The following FBXO34 variants were observed in gnomAD, a reference collection of about 807,000 sequenced individuals.
The protein encoded by FBXO34 is F-box only protein 34.
FBXO34 carries 12 observed loss-of-function variants against 24.5 expected under a neutral mutation model. The ratio of observed to expected loss-of-function variants is 0.49; its 90% CI spans 0.31 to 0.79. The LOEUF is 0.79. Among genes scored for constraint, FBXO34 ranks in the 30% least tolerant of loss-of-function variants. FBXO34 has a pLI of 0.04. For synonymous variants in FBXO34, 320 were observed against 311.9 expected, an observed-to-expected ratio of 1.03 and a Z score of -0.27; for missense variants, 823 against 857.7, an observed-to-expected ratio of 0.96 and a Z score of 0.51.
At chr14:55,381,951 C>T in the FBXO34 span, 2 of 1,603,798 alleles carry the variant, frequency 1.2e-6, no homozygotes, top group Non-Finnish European at 1.7e-6. Flanking sequence ...AAAGGATATG[C>T]TGCTTCTCAC....
chr14:55,383,246 AAAAG>A, the FBXO34 span, among the ~76,000 whole-genome samples: 19 of 152,204 alleles, frequency 1.2e-4, no homozygotes, highest in African/African-American at 3.9e-4. Flanking sequence ...TCGGGGGAAA[AAAAG>A]AAAGAAAATA....
At chr14:55,385,241 A>C in the FBXO34 span, among the ~76,000 whole-genome samples, 16 of 152,172 alleles carry the variant, frequency 1.1e-4, no homozygotes, top group Non-Finnish European at 1.9e-4. Context: ...ATGCCTCACA[A>C]CACACAACTA....
the FBXO34 span, chr14:55,385,866 C>A: frequency 6.2e-7 from 1 of 1,609,744 alleles, no homozygotes; most frequent in Non-Finnish European, 8.5e-7. Flanking sequence ...TACCTCACAC[C>A]CGTCTTTACT....
the FBXO34 span, among the ~76,000 whole-genome samples, chr14:55,393,548 A>AT: frequency 0.054 from 7,781 of 142,844 alleles, 689 homozygotes; most frequent in African/African-American, 0.18. Flanking sequence ...ATCTTTTCAG[A>AT]TTTTTTTTTT....
At chr14:55,319,544 C>T (rs967250570) in intron 1 of FBXO34, among the ~76,000 whole-genome samples, 2 of 152,020 alleles carry the variant, frequency 1.3e-5, no homozygotes, top group Non-Finnish European at 2.9e-5. Context: ...TGTTTTTAAT[C>T]CTTTGTAATT....
intron 1 of FBXO34, among the ~76,000 whole-genome samples, chr14:55,334,898 T>TTC (rs1466490038): frequency 6.6e-6 from 1 of 152,220 alleles, no homozygotes; most frequent in African/African-American, 2.4e-5. Flanking sequence ...ATGGTCAGAC[T>TTC]TCTAGAGAAA....
At chr14:55,324,479 GT>G (rs879346180) in intron 1 of FBXO34, among the ~76,000 whole-genome samples, 67 of 143,904 alleles carry the variant, frequency 4.7e-4, no homozygotes, top group African/African-American at 7.1e-4. Context: ...AGTTCTTTAA[GT>G]TTTTTTTTTT....
chr14:55,410,530 C>A, the FBXO34 span, among the ~76,000 whole-genome samples: 1 of 152,194 alleles, frequency 6.6e-6, no homozygotes, highest in Non-Finnish European at 1.5e-5. Context: ...GTTTGTCATT[C>A]AAACCTCCTC....
rs914850134 is a variant in FBXO34 at position 55,298,633 on chromosome 14, C to T, written c.-11+27096C>T. Reference sequence around the variant, plus strand: ...AGCCGGAGCGGGCGTTGAAGGCTGGCGCGGCGAGCGCTGTTCGGGGCTGGA... The same window carrying T: ...AGCCGGAGCGGGCGTTGAAGGCTGGTGCGGCGAGCGCTGTTCGGGGCTGGA... On this transcript the variant is annotated intron_variant, in intron 1 of 1. Coordinates refer to ENST00000313833, the MANE Select transcript of FBXO34 (RefSeq NM_017943.4). The T allele has an allele frequency of 1.3e-5, 17 of 1,352,018 alleles. No individual in the cohort carries two copies. In the East Asian group the frequency reaches 2.7e-4, roughly 22 times the overall value. 83.8% of individuals were successfully genotyped at this position (1,352,018 alleles called of 1,614,324 possible).
chr14:55,359,361 G>C (rs954986226), intron 3 of FBXO34, among the ~76,000 whole-genome samples: 1 of 152,120 alleles, frequency 6.6e-6, no homozygotes, highest in African/African-American at 2.4e-5. Flanking sequence ...GATAAAATTC[G>C]TTCCATCCAA....
chr14:55,289,231 C>G (rs1881861853), intron 1 of FBXO34, among the ~76,000 whole-genome samples: 1 of 151,640 alleles, frequency 6.6e-6, no homozygotes, highest in Non-Finnish European at 1.5e-5. Flanking sequence ...TCTAGTAGTT[C>G]TTAGGTAATT....
chr14:55,380,875 A>T, the FBXO34 span, among the ~76,000 whole-genome samples: 580 of 112,716 alleles, frequency 5.1e-3, 4 homozygotes, highest in Middle Eastern at 9.4e-3. Flanking sequence ...ATATATATAT[A>T]TTTTTTTTTT....
intron 1 of FBXO34, among the ~76,000 whole-genome samples, chr14:55,316,018 G>A (rs1000527565): frequency 5.3e-5 from 8 of 151,720 alleles, no homozygotes; most frequent in African/African-American, 1.5e-4. Flanking sequence ...TTTCTATTGC[G>A]TTTTTCATTT....
intron 1 of FBXO34, among the ~76,000 whole-genome samples, chr14:55,333,927 C>G (rs141477144): frequency 6.6e-6 from 1 of 152,026 alleles, no homozygotes; most frequent in Non-Finnish European, 1.5e-5. Context: ...TAGATTGTTC[C>G]GTCCTGGAGG....
chr14:55,279,284 CA>C (rs397767008), intron 1 of FBXO34, among the ~76,000 whole-genome samples: 2,576 of 118,172 alleles, frequency 0.022, 30 homozygotes, highest in Non-Finnish European at 0.033. Context: ...GAGACTCCGT[CA>C]AAAAAAAAAA....
the FBXO34 span, among the ~76,000 whole-genome samples, chr14:55,393,580 C>T: frequency 3.4e-5 from 5 of 149,086 alleles, no homozygotes; most frequent in Non-Finnish European, 5.9e-5. Context: ...GGGTCTCACT[C>T]TGTTGCCCAG....
the FBXO34 span, among the ~76,000 whole-genome samples, chr14:55,420,691 A>G: frequency 6.6e-6 from 1 of 152,050 alleles, no homozygotes; most frequent in African/African-American, 2.4e-5. Context: ...TGTACTGTAT[A>G]GTCTTCAGTA....
At chr14:55,299,510 T>G (rs1358232724) in intron 1 of FBXO34, among the ~76,000 whole-genome samples, 1 of 152,068 alleles carries the variant, frequency 6.6e-6, no homozygotes, top group East Asian at 1.9e-4. Flanking sequence ...AAAAGCAAAT[T>G]CTAGATATGT....
At chr14:55,404,417 T>C in the FBXO34 span, among the ~76,000 whole-genome samples, 14 of 152,344 alleles carry the variant, frequency 9.2e-5, no homozygotes, top group African/African-American at 2.6e-4. Context: ...TGCTCTGCCA[T>C]GCGCAAGTAA....
Sources: gnomAD v4.1 joint callset for allele counts (sites outside exome capture counted in the v4.1 genomes callset) on GRCh38, gnomAD v4.1.1 for gene constraint, MANE v1.5 for transcripts, NCBI Gene and HGNC (gene_info 2026-07-23, HGNC 2026-07-21) for gene names.